PSMD4: variants seen among roughly 807,000 people sequenced by gnomAD.
The protein encoded by PSMD4 is 26S proteasome non-ATPase regulatory subunit 4.
In PSMD4, 5 loss-of-function variants were observed where a neutral mutation model predicts 39.7. The observed-to-expected ratio is 0.13, with a 90% CI of 0.07 to 0.26. The LOEUF (loss-of-function observed/expected upper bound fraction) is 0.26, where lower values mean the gene tolerates loss of function less well. Ranked by LOEUF, PSMD4 falls within the 10% of genes least tolerant of loss-of-function variation. The pLI is 1.00. For missense variants in PSMD4, 272 were observed against 486.1 expected, an observed-to-expected ratio of 0.56 and a Z score of 4.14; for synonymous variants, 143 against 174.6, an observed-to-expected ratio of 0.82 and a Z score of 1.43.
In PSMD4 at chr1:151,265,310, G is replaced by A. The variant is rs1693406145; in HGVS notation, c.438+76G>A. The A allele has an allele frequency of 6.3e-6, 10 of 1,592,922 alleles. No homozygotes were observed. In the South Asian group the frequency reaches 7.8e-5, roughly 12 times the overall value. ...ATGGTCCTTAACCCTGAGGAGTGCG[G>A]GTACTGTGGCAGAGTAGTGCAGAAA... On this transcript the variant is annotated intron_variant, in intron 5 of 9. Transcript: ENST00000368884.
chr1:151,259,904 AAG>A (rs1459711083), intron 1 of PSMD4, among the ~76,000 whole-genome samples: 1 of 151,976 alleles, frequency 6.6e-6, no homozygotes, highest in African/African-American at 2.4e-5. Context: ...AAATTCTAAA[AAG>A]AAGAAATGAG....
In PSMD4 at chr1:151,264,875, T is replaced by C. The variant is rs1289926480; in HGVS notation, c.326T>C (p.Ile109Thr). ...HRQGKNHKMR[I>T]IAFVGSPVED... ...CAAGGCAAGAATCACAAGATGCGCA[T>C]CATTGCCTTTGTGGGAAGCCCAGTG... Residue 109 changes from isoleucine (I) to threonine (T), a missense_variant, in exon 4 of 10, where the codon ATC (isoleucine) becomes ACC (threonine). Ile to Thr is a moderately conservative substitution (Grantham distance 89). Around this residue, in one of 3 missense-constraint regions of PSMD4, gnomAD observed 153 missense variants for 257.6 expected, o/e 0.59. Transcript: ENST00000368884. 4 of 1,613,770 alleles carry C rather than the reference T, an allele frequency of 2.5e-6. No individual in the cohort carries two copies. In the African/African-American group the frequency reaches 5.3e-5, roughly 22 times the overall value.
intron 1 of PSMD4, 86 bp downstream of exon 1, chr1:151,254,894 CA>C (rs111503421): frequency 1.3e-5 from 16 of 1,263,248 alleles, no homozygotes; most frequent in Middle Eastern, 2.7e-4. Context: ...GGGTGGGGGC[CA>C]GGGGCTCATG....
chr1:151,261,403 G>C (rs1224169956), intron 1 of PSMD4, among the ~76,000 whole-genome samples: 1 of 151,864 alleles, frequency 6.6e-6, no homozygotes, highest in Non-Finnish European at 1.5e-5. Context: ...TTGAACTCCT[G>C]ACCTCAGGTG....
chr1:151,265,894 T>C, intron 6 of PSMD4, 110 bp from the exon 7 acceptor site: 1 of 1,385,850 alleles, frequency 7.2e-7, no homozygotes, highest in Non-Finnish European at 9.6e-7. Context: ...CTCTGTGTGA[T>C]AAACCAGAAG....
intron 1 of PSMD4, among the ~76,000 whole-genome samples, chr1:151,259,835 C>T (rs1693274306): frequency 2.0e-5 from 3 of 152,098 alleles, no homozygotes; most frequent in African/African-American, 7.2e-5. Flanking sequence ...CCCTTCTCGG[C>T]CTCCCAAAGT....
Position 151,267,288 on chromosome 1 carries a change from C to T in PSMD4, c.1079C>T (p.Ala360Val). ...ATTCGAAATGCTATGGGCTCCCTGG[C>T]CTCCCAGGCCACCAAGGACGGCAAG... ...EAIRNAMGSL[A>V]SQATKDGKKD... Residue 360 changes from alanine to valine, a missense_variant, in exon 10 of 10, where the codon GCC (alanine) becomes GTC (valine). By Grantham distance (64) the Ala-to-Val change is moderately conservative. Around this residue, in one of 3 missense-constraint regions of PSMD4, gnomAD observed 113 missense variants for 184.6 expected, o/e 0.61. Transcript: ENST00000368884. 1.2e-6 allele frequency: 2 copies of T among 1,613,846 alleles called. No homozygotes were observed. The highest frequency in any genetic ancestry group is 1.7e-6 in the Non-Finnish European group (2 of 1,179,840).
At chr1:151,261,697 T>TTATC (rs1038184867) in intron 1 of PSMD4, among the ~76,000 whole-genome samples, 12 of 152,214 alleles carry the variant, frequency 7.9e-5, no homozygotes, top group Non-Finnish European at 1.3e-4. Context: ...CTCACACCTG[T>TTATC]TATCCCAGCA....
At chr1:151,259,230 T>A (rs1479298336) in intron 1 of PSMD4, 1 of 152,168 alleles carries the variant, frequency 6.6e-6, no homozygotes, top group African/African-American at 2.4e-5. Flanking sequence ...AGGTTGAGTA[T>A]TCCCTATCTG....
At chr1:151,257,629 C>T (rs1260389083) in intron 1 of PSMD4, among the ~76,000 whole-genome samples, 1 of 150,898 alleles carries the variant, frequency 6.6e-6, no homozygotes, top group African/African-American at 2.4e-5. Context: ...CTCATTGCAA[C>T]CTCCGCCTCT....
intron 1 of PSMD4, among the ~76,000 whole-genome samples, chr1:151,257,609 G>A (rs1693205359): frequency 6.6e-6 from 1 of 151,560 alleles, no homozygotes; most frequent in African/African-American, 2.4e-5. Flanking sequence ...GTGCAGTGGT[G>A]TGATCTCGGC....
chr1:151,262,056 T>A, intron 1 of PSMD4, 105 bp from the exon 2 acceptor site: 1 of 1,220,168 alleles, frequency 8.2e-7, no homozygotes, highest in Non-Finnish European at 1.2e-6. Context: ...AAGCTACAGG[T>A]GATGCTATGA....
At position 151,256,683 on chromosome 1, in the gene PSMD4, C is replaced by T. The variant is rs185331943; in HGVS notation, c.26+1875C>T. 6.6e-5 allele frequency among the ~76,000 whole-genome samples: 10 copies of T among 150,890 alleles called. No homozygotes were observed. The East Asian group carries it at 1.6e-3, about 24-fold the overall frequency. ...AACTGCTGAGCTCAGGTGATCCACC[C>T]GCCTCAGCCTCCCAAAGTGCAGGGA... On this transcript the variant is annotated intron_variant, in intron 1 of 9. Coordinates refer to ENST00000368884, the MANE Select transcript of PSMD4 (RefSeq NM_002810.4).
intron 1 of PSMD4, among the ~76,000 whole-genome samples, chr1:151,257,588 C>T (rs1045064492): frequency 6.6e-6 from 1 of 151,982 alleles, no homozygotes; most frequent in Non-Finnish European, 1.5e-5. Context: ...TGCTCTGTCT[C>T]CCAGGCTGGA....
chr1:151,258,008 C>T (rs1025712357), intron 1 of PSMD4, among the ~76,000 whole-genome samples: 33 of 151,708 alleles, frequency 2.2e-4, no homozygotes, highest in Admixed American at 1.3e-3. Flanking sequence ...TAGTTGTATT[C>T]CTAGGTTTGT....
intron 1 of PSMD4, among the ~76,000 whole-genome samples, chr1:151,256,042 T>G (rs2101833181): frequency 7.0e-6 from 1 of 143,514 alleles, no homozygotes; most frequent in Non-Finnish European, 1.5e-5. Flanking sequence ...GCTGTATGTA[T>G]ATCGTCTTTT....
In PSMD4 at chr1:151,262,256, C is replaced by G; in HGVS notation, c.122C>G (p.Thr41Ser). ...GTCAACATAGTTTGTCATTCAAAGACCCGCAGCAACCCTGAGAACAACGTG... is the reference window on the plus strand; with the variant it reads ...GTCAACATAGTTTGTCATTCAAAGAGCCGCAGCAACCCTGAGAACAACGTG... ...DAVNIVCHSK[T>S]RSNPENNVGL... is the part of the protein sequence containing the mutation. Residue 41 changes from threonine (T) to serine (S), a missense_variant, in exon 2 of 10, where the codon ACC becomes AGC. Physicochemically the swap from Thr to Ser is moderately conservative, Grantham distance 58. This residue lies in a region of PSMD4 where 153 missense variants were observed against 257.6 expected (regional missense o/e 0.59). Coordinates refer to ENST00000368884, the MANE Select transcript of PSMD4 (RefSeq NM_002810.4). 6.2e-7 allele frequency: 1 copy of G among 1,614,130 alleles called. No individual in the cohort carries two copies. The highest frequency in any genetic ancestry group is 8.5e-7 in the Non-Finnish European group (1 of 1,180,034).
At position 151,266,315 on chromosome 1, in the gene PSMD4, C is replaced by T. The variant is rs766899205; in HGVS notation, c.771C>T (p.Asp257=). Reference sequence around the variant, plus strand: ...CTCTTTTCCTTTTCCCAGACTCAGACGATGCCCTGCTGAAGATGACCATCA... The same window carrying T: ...CTCTTTTCCTTTTCCCAGACTCAGATGATGCCCTGCTGAAGATGACCATCA... ...GIATTGTEDS[D]DALLKMTISQ... The change falls in exon 8 of 10, where the codon GAC becomes GAT. Residue 257 remains aspartate, a synonymous_variant. Coordinates refer to ENST00000368884, the MANE Select transcript of PSMD4 (RefSeq NM_002810.4). The T allele has an allele frequency of 6.8e-6, 11 of 1,614,068 alleles. No individual in the cohort carries two copies. The highest frequency in any genetic ancestry group is 2.7e-5 in the African/African-American group (2 of 74,910).
chr1:151,262,146 A>C lies in PSMD4; in HGVS notation c.27-15A>C, dbSNP rs587644402. On this transcript the variant is annotated splice_polypyrimidine_tract_variant and intron_variant, in intron 1 of 9. Transcript: ENST00000368884. ...TACATTTCTTCTCTCTTGTCCTTCA[A>C]CCCTAATCTGACAGTGTGGACAACA... The C allele has an allele frequency of 6.2e-7, 1 of 1,613,958 alleles. No individual in the cohort carries two copies. Among genetic ancestry groups the C allele is most frequent in the African/African-American group, 1.3e-5 (1 of 75,002 alleles).
Sources: allele counts gnomAD v4.1 joint callset (sites outside exome capture counted in the v4.1 genomes callset), GRCh38; gene constraint gnomAD v4.1.1; regional missense constraint gnomAD v4.1.1; transcripts MANE v1.5; gene names NCBI Gene and HGNC (gene_info 2026-07-23, HGNC 2026-07-21).